SPRY3: variants seen among roughly 807,000 people sequenced by gnomAD.
SPRY3 encodes sprouty RTK signaling antagonist 3, also known as protein sprouty homolog 3.
A neutral mutation model predicts 20.2 loss-of-function variants in SPRY3; 15 were observed. The ratio of observed to expected loss-of-function variants is 0.74; its 90% confidence interval spans 0.50 to 1.14. SPRY3 has a LOEUF of 1.14. Ranked by LOEUF, SPRY3 falls within the 50% of genes most tolerant of loss-of-function variation. The pLI, the probability that SPRY3 is intolerant of heterozygous loss-of-function variation, is 0.00. For synonymous variants in SPRY3, 143 were observed against 136.5 expected, an observed-to-expected ratio of 1.05 and a Z score of -0.33; for missense variants, 364 against 363.9, an observed-to-expected ratio of 1.00 and a Z score of 0.00.
Position 155,716,981 on chromosome X carries a change from AATATATATATATATATATATAT to A in SPRY3, c.-281-50971_-281-50950del, listed in dbSNP as rs749530944. Among the ~76,000 whole-genome samples, 63 of 63,482 alleles carry A rather than the reference AATATATATATATATATATATAT, an allele frequency of 9.9e-4. 3 individuals carry two copies. Among genetic ancestry groups the A allele is most frequent in the Non-Finnish European group, 1.5e-3 (53 of 34,734 alleles). The allele number at this position is 63,482 out of a possible 152,430, so 41.6% of individuals were successfully genotyped here. A position where few individuals can be genotyped will look rare whatever the true frequency, so the allele number is the denominator to read the frequency against. On this transcript the variant is annotated intron_variant, in intron 2 of 3. Transcript: ENST00000675360. Reference sequence around the variant, plus strand: ...AAACCCTGTTTCCACTAAAATACAAAATATATATATATATATATATATATATATATAGCTGGGCGTGGCAGCA... The same window carrying A: ...AAACCCTGTTTCCACTAAAATACAAAATATATATAGCTGGGCGTGGCAGCA...
downstream of SPRY3, chrX:155,781,414 T>C (rs2091462518): frequency 6.0e-6 from 1 of 166,976 alleles, no homozygotes; most frequent in South Asian, 2.1e-4. Context: ...TCCCAGATGA[T>C]TATAATATGC....
chrX:155,731,962 A>G (rs1233563332), intron 2 of SPRY3, among the ~76,000 whole-genome samples: 1 of 151,994 alleles, frequency 6.6e-6, no homozygotes, highest in Non-Finnish European at 1.5e-5. Context: ...AAAACACATC[A>G]TTCTATTTAT....
At chrX:155,708,888 C>G (rs771941049) in intron 2 of SPRY3, among the ~76,000 whole-genome samples, 22 of 151,354 alleles carry the variant, frequency 1.5e-4, no homozygotes, top group Non-Finnish European at 2.8e-4. Flanking sequence ...CCCACCTTTT[C>G]CCTATTAACG....
chrX:155,624,932 A>G (rs781816245), intron 1 of SPRY3, among the ~76,000 whole-genome samples: 1 of 111,792 alleles, frequency 8.9e-6, no homozygotes, highest in East Asian at 2.8e-4. Context: ...ACATTCTAGT[A>G]CAAACGTAAA....
chrX:155,776,789 A>G (rs969053155), exon 4 of SPRY3: 10 of 167,172 alleles, frequency 6.0e-5, no homozygotes, highest in African/African-American at 2.4e-4. Context: ...TTGGATACAT[A>G]TTACAGAAAT....
chrX:155,722,923 C>A (rs977388757), intron 2 of SPRY3, among the ~76,000 whole-genome samples: 2 of 151,876 alleles, frequency 1.3e-5, no homozygotes, highest in Non-Finnish European at 2.9e-5. Flanking sequence ...CTAATGCTAT[C>A]CTTCCCCCAG....
intron 2 of SPRY3, among the ~76,000 whole-genome samples, chrX:155,760,836 G>T (rs1289829536): frequency 1.3e-5 from 2 of 152,052 alleles, no homozygotes; most frequent in Non-Finnish European, 2.9e-5. Flanking sequence ...CTTGCTGTGT[G>T]GCCTGGTTCC....
At chrX:155,630,284 C>T in intron 1 of SPRY3, among the ~76,000 whole-genome samples, 1 of 112,028 alleles carries the variant, frequency 8.9e-6, no homozygotes, top group Non-Finnish European at 1.9e-5. Context: ...CCATATTATT[C>T]TGAATTTGAC....
At chrX:155,718,180 A>G (rs2091034572) in intron 2 of SPRY3, among the ~76,000 whole-genome samples, 1 of 141,810 alleles carries the variant, frequency 7.1e-6, no homozygotes, top group Admixed American at 7.0e-5. Context: ...TTGTCAGGAG[A>G]GGATTTGCTG....
At chrX:155,778,277 A>G (rs2091441705), downstream of SPRY3, 2 of 167,188 alleles carry the variant, frequency 1.2e-5, no homozygotes, top group Non-Finnish European at 2.9e-5. Context: ...GTCCACCTGC[A>G]ACCTAGGAGT....
intron 1 of SPRY3, among the ~76,000 whole-genome samples, chrX:155,634,894 T>C (rs1405740279): frequency 9.3e-6 from 1 of 107,665 alleles, no homozygotes; most frequent in Non-Finnish European, 1.9e-5. Context: ...ATATAGTATA[T>C]GTATAAAGTA....
At chrX:155,712,163 C>T (rs1389010850) in intron 2 of SPRY3, among the ~76,000 whole-genome samples, 2 of 151,798 alleles carry the variant, frequency 1.3e-5, no homozygotes, top group African/African-American at 2.4e-5. Flanking sequence ...AATGTGCATC[C>T]TGCAGTTGTT....
At chrX:155,670,778 G>A (rs2068037891) in intron 2 of SPRY3, among the ~76,000 whole-genome samples, 2 of 111,789 alleles carry the variant, frequency 1.8e-5, no homozygotes, top group South Asian at 7.4e-4. Flanking sequence ...TTACAAATTA[G>A]GCCAGAATGG....
intron 2 of SPRY3, among the ~76,000 whole-genome samples, chrX:155,742,772 G>A (rs978283815): frequency 1.4e-4 from 21 of 152,138 alleles, no homozygotes; most frequent in African/African-American, 3.9e-4. Context: ...AAATCAAGAT[G>A]TTCTTTGAAA....
At chrX:155,747,356 C>T (rs767898448) in intron 2 of SPRY3, among the ~76,000 whole-genome samples, 1 of 151,914 alleles carries the variant, frequency 6.6e-6, no homozygotes, top group East Asian at 1.9e-4. Context: ...GAGCTAAGAC[C>T]CACCTCCTTA....
At chrX:155,736,275 C>T (rs1415036365) in intron 2 of SPRY3, among the ~76,000 whole-genome samples, 1 of 151,888 alleles carries the variant, frequency 6.6e-6, no homozygotes, top group African/African-American at 2.4e-5. Flanking sequence ...TTTTTGAACA[C>T]TCTTCCTTTG....
intron 1 of SPRY3, among the ~76,000 whole-genome samples, chrX:155,619,078 A>T (rs782733455): frequency 1.3e-5 from 1 of 77,577 alleles, no homozygotes; most frequent in East Asian, 4.4e-4. Flanking sequence ...TTTTTTATGG[A>T]TTGCGCTTTA....
chrX:155,626,727 G>A (rs1342796235), intron 1 of SPRY3, among the ~76,000 whole-genome samples: 1 of 111,459 alleles, frequency 9.0e-6, no homozygotes, highest in Non-Finnish European at 1.9e-5. Context: ...TTTTATATAT[G>A]ATGAGATGTA....
At chrX:155,613,888 T>A (rs1242658335) in intron 1 of SPRY3, among the ~76,000 whole-genome samples, 7 of 111,815 alleles carry the variant, frequency 6.3e-5, no homozygotes, top group African/African-American at 2.3e-4. Flanking sequence ...TTTCTCTTTC[T>A]GCATGTCTTT....
Sources: gnomAD v4.1 joint callset for allele counts (sites outside exome capture counted in the v4.1 genomes callset) on GRCh38, gnomAD v4.1.1 for gene constraint, MANE v1.5 for transcripts, NCBI Gene and HGNC (gene_info 2026-07-23, HGNC 2026-07-21) for gene names.